Variants in DSCAM observed in about 807,000 individuals in gnomAD.
DSCAM encodes the protein cell adhesion molecule DSCAM.
A neutral mutation model predicts 217.7 loss-of-function variants in DSCAM; 47 were observed. The ratio of observed to expected loss-of-function variants is 0.22; its 90% CI spans 0.17 to 0.28. DSCAM has a LOEUF of 0.28. Ranked by LOEUF, DSCAM falls within the 10% of genes least tolerant of loss-of-function variation. The pLI, the probability that DSCAM is intolerant of heterozygous loss-of-function variation, is 1.00. For missense variants in DSCAM, 2,080 were observed against 2,618.3 expected, an observed-to-expected ratio of 0.79 and a Z score of 4.49; for synonymous variants, 1,056 against 1,015.3, an observed-to-expected ratio of 1.04 and a Z score of -0.76.
At chr21:40,056,651 C>T (rs1601281390) in intron 28 of DSCAM, among the ~76,000 whole-genome samples, 1 of 152,244 alleles carries the variant, frequency 6.6e-6, no homozygotes, top group East Asian at 1.9e-4. Flanking sequence ...AATAATAAGA[C>T]TTTACTAGAT....
intron 3 of DSCAM, among the ~76,000 whole-genome samples, chr21:40,661,407 ACT>A (rs1168613401): frequency 1.3e-5 from 2 of 151,986 alleles, no homozygotes; most frequent in Non-Finnish European, 2.9e-5. Flanking sequence ...TGTTTTTGTG[ACT>A]CTCTGTCCTT....
chr21:40,189,447 T>C lies in DSCAM; in HGVS notation c.2357-209A>G, dbSNP rs147668339. On this transcript the variant is annotated intron_variant, in intron 11 of 32. Transcript: ENST00000400454. ...AGTGAGCCCTCAGCAGAAATTGCCATGCCGTTTCATATCCACGGCACGTTG... is the reference window on the plus strand; with the variant it reads ...AGTGAGCCCTCAGCAGAAATTGCCACGCCGTTTCATATCCACGGCACGTTG... Among the ~76,000 whole-genome samples, 366 of 152,316 alleles carry C rather than the reference T, an allele frequency of 2.4e-3. 2 individuals are homozygous for C. The highest frequency in any genetic ancestry group is 4.2e-3 in the Non-Finnish European group (286 of 68,024).
intron 3 of DSCAM, among the ~76,000 whole-genome samples, chr21:40,408,070 A>G (rs1037195576): frequency 6.6e-6 from 1 of 151,920 alleles, no homozygotes; most frequent in Non-Finnish European, 1.5e-5. Flanking sequence ...AACAGAAGAT[A>G]TTACCCATCT....
rs1233640074 is a variant in DSCAM, at chr21:40,682,803, G to A, written c.508+10007C>T. 2.9e-3 allele frequency among the ~76,000 whole-genome samples: 37 copies of A among 12,544 alleles called. 8 individuals carry two copies. Among genetic ancestry groups the A allele is most frequent in the South Asian group, 5.9e-3 (1 of 170 alleles). 8.2% of individuals were successfully genotyped at this position (12,544 alleles called of 152,430 possible). On this transcript the variant is annotated intron_variant, in intron 3 of 32. Transcript: ENST00000400454. ...GGGGAGGGGAGGGGAGGGAAGGGAA[G>A]GGAAGGGAAGGGAAGGGAAGGGAAG...
At chr21:40,177,533 A>G (rs957739976) in intron 15 of DSCAM, among the ~76,000 whole-genome samples, 1 of 152,202 alleles carries the variant, frequency 6.6e-6, no homozygotes, top group Admixed American at 6.5e-5. Context: ...CTTGAAGACA[A>G]CACTGATTAC....
intron 3 of DSCAM, among the ~76,000 whole-genome samples, chr21:40,653,293 G>A (rs1360459225): frequency 6.6e-6 from 1 of 152,136 alleles, no homozygotes; most frequent in Non-Finnish European, 1.5e-5. Context: ...TAACGACACG[G>A]TCTTGGAGCA....
intron 4 of DSCAM, 99 bp downstream of exon 4, chr21:40,369,000 C>T: frequency 6.8e-6 from 9 of 1,330,004 alleles, no homozygotes; most frequent in East Asian, 2.6e-5. Context: ...ATTGAAGGCT[C>T]CATTTTAGTG....
intron 3 of DSCAM, among the ~76,000 whole-genome samples, chr21:40,476,881 A>C (rs2075941285): frequency 6.6e-6 from 1 of 152,198 alleles, no homozygotes; most frequent in Admixed American, 6.5e-5. Flanking sequence ...GAAAATTCAG[A>C]GAGAGTAGGA....
intron 3 of DSCAM, among the ~76,000 whole-genome samples, chr21:40,535,038 G>A (rs765994481): frequency 5.3e-5 from 8 of 152,100 alleles, no homozygotes; most frequent in Non-Finnish European, 1.2e-4. Flanking sequence ...AGTTAAGACT[G>A]TAACCTTTGA....
chr21:40,185,857 A>C (rs1286815561), intron 14 of DSCAM, among the ~76,000 whole-genome samples: 1 of 151,974 alleles, frequency 6.6e-6, no homozygotes, highest in African/African-American at 2.4e-5. Context: ...ACTGTGCCTC[A>C]CCCCTGAGCC....
chr21:40,305,140 G>A (rs992618133), intron 9 of DSCAM, among the ~76,000 whole-genome samples: 1 of 152,020 alleles, frequency 6.6e-6, no homozygotes, highest in Non-Finnish European at 1.5e-5. Context: ...CTGTAATCTC[G>A]GCACTTTGGG....
chr21:40,040,902 C>T (rs936249906), intron 32 of DSCAM, among the ~76,000 whole-genome samples: 1 of 150,818 alleles, frequency 6.6e-6, no homozygotes, highest in African/African-American at 2.5e-5. Context: ...TCTCCATTTG[C>T]CTTGCAAATA....
intron 20 of DSCAM, among the ~76,000 whole-genome samples, chr21:40,120,299 TTAA>T (rs1318862706): frequency 6.6e-6 from 1 of 152,232 alleles, no homozygotes; most frequent in African/African-American, 2.4e-5. Flanking sequence ...TTAGTTTTCA[TTAA>T]TGAGAAGTCT....
intron 3 of DSCAM, among the ~76,000 whole-genome samples, chr21:40,532,641 T>C (rs1268802309): frequency 3.3e-5 from 5 of 151,922 alleles, no homozygotes; most frequent in Non-Finnish European, 2.9e-5. Flanking sequence ...AAGAAGATCA[T>C]GGGTGATGGG....
intron 32 of DSCAM, 96 bp from the exon 33 acceptor site, chr21:40,013,482 G>C (rs2088100052): frequency 1.1e-6 from 1 of 869,990 alleles, no homozygotes; most frequent in Non-Finnish European, 1.7e-6. Context: ...GGGCTTTAGA[G>C]ATGAGAATGC....
At chr21:40,844,777 T>C (rs1231200023) in intron 1 of DSCAM, among the ~76,000 whole-genome samples, 1 of 151,484 alleles carries the variant, frequency 6.6e-6, no homozygotes, top group Non-Finnish European at 1.5e-5. Context: ...ATCAGTATCA[T>C]AAATTCTTCC....
rs555359075 is a variant in DSCAM, at chr21:40,372,405, T to C, written c.509-3160A>G. ...TCTTTCTGTTTTATTTTCCTTGGAA[T>C]ACTATTAGCATTTTAACCGGACACA... On this transcript the variant is annotated intron_variant, in intron 3 of 32. Transcript: ENST00000400454. 1.2e-4 allele frequency among the ~76,000 whole-genome samples: 19 copies of C among 152,374 alleles called. No homozygotes were observed. In the South Asian group the frequency reaches 3.5e-3, roughly 28 times the overall value.
intron 11 of DSCAM, among the ~76,000 whole-genome samples, chr21:40,233,616 C>T (rs1056808617): frequency 6.6e-6 from 1 of 152,160 alleles, no homozygotes; most frequent in African/African-American, 2.4e-5. Context: ...CACATGGACA[C>T]ACTCCCTCAT....
intron 3 of DSCAM, among the ~76,000 whole-genome samples, chr21:40,560,842 T>G (rs2076714903): frequency 6.6e-6 from 1 of 152,146 alleles, no homozygotes; most frequent in African/African-American, 2.4e-5. Flanking sequence ...CTAGCCCGGG[T>G]AAAGATCTAG....
Sources: gnomAD v4.1 joint callset for allele counts (sites outside exome capture counted in the v4.1 genomes callset) on GRCh38, gnomAD v4.1.1 for gene constraint, MANE v1.5 for transcripts, NCBI Gene and HGNC (gene_info 2026-07-23, HGNC 2026-07-21) for gene names.